Variants in FAM135B observed in about 807,000 individuals in gnomAD.
FAM135B encodes protein FAM135B.
Under a neutral mutation model 127.7 loss-of-function variants are expected in FAM135B, and 43 were observed. The ratio of observed to expected loss-of-function variants is 0.34; its 90% CI spans 0.26 to 0.43. The LOEUF (loss-of-function observed/expected upper bound fraction) is 0.43, where lower values mean the gene tolerates loss of function less well. FAM135B is among the 20% of genes least tolerant of loss of function. The pLI, the probability that FAM135B is intolerant of heterozygous loss-of-function variation, is 1.00. For synonymous variants in FAM135B, 670 were observed against 665.1 expected (o/e 1.01, Z -0.11); for missense variants, 1,558 against 1,725.6 (o/e 0.90, Z 1.72).
chr8:138,293,944 T>C (rs113889682), intron 3 of FAM135B, among the ~76,000 whole-genome samples: 3 of 152,158 alleles, frequency 2.0e-5, no homozygotes, highest in African/African-American at 7.2e-5. Flanking sequence ...TGCACCTGCA[T>C]GTGTATGTTT....
Position 138,371,337 on chromosome 8 carries a change from A to G in FAM135B, c.-19-3335T>C, listed in dbSNP as rs1374180454. ...GACCCATGACACATACCTAACACACACATCACACTCATACACACAAACACA... is the reference window on the plus strand; with the variant it reads ...GACCCATGACACATACCTAACACACGCATCACACTCATACACACAAACACA... On this transcript the variant is annotated intron_variant, in intron 1 of 19. Coordinates refer to ENST00000395297, the MANE Select transcript of FAM135B (RefSeq NM_015912.4). Among the ~76,000 whole-genome samples the G allele has an allele frequency of 2.6e-5, 4 of 152,214 alleles. 1 individual carries two copies. In the East Asian group the frequency reaches 7.7e-4, roughly 29 times the overall value.
chr8:138,280,071 T>C (rs1030634866), intron 3 of FAM135B, among the ~76,000 whole-genome samples: 1 of 152,168 alleles, frequency 6.6e-6, no homozygotes, highest in Admixed American at 6.5e-5. Flanking sequence ...CTCAGAGAGA[T>C]GGAGAATCCA....
intron 7 of FAM135B, among the ~76,000 whole-genome samples, chr8:138,228,853 G>A (rs2130174207): frequency 6.6e-6 from 1 of 152,302 alleles, no homozygotes; most frequent in Middle Eastern, 3.4e-3. Context: ...CCATCCGGCT[G>A]CAGCATCTGT....
intron 7 of FAM135B, among the ~76,000 whole-genome samples, chr8:138,236,432 C>A (rs1484381988): frequency 1.3e-5 from 2 of 149,990 alleles, no homozygotes; most frequent in South Asian, 2.1e-4. Flanking sequence ...ACACACATCC[C>A]CACATACACA....
chr8:138,224,273 A>G (rs78669557), intron 7 of FAM135B, among the ~76,000 whole-genome samples: 9,634 of 152,244 alleles, frequency 0.063, 490 homozygotes, highest in East Asian at 0.25. Context: ...AATTGACAGC[A>G]CTCTGTAGTT....
intron 3 of FAM135B, among the ~76,000 whole-genome samples, chr8:138,268,923 A>G (rs1213113624): frequency 6.6e-6 from 1 of 152,184 alleles, no homozygotes; most frequent in African/African-American, 2.4e-5. Context: ...ACGCATAACA[A>G]GAGTTGAAAC....
In FAM135B at chr8:138,227,996, A is replaced by G. The variant is rs560951274; in HGVS notation, c.669+14946T>C. ...TAATAGAATATGCAGAAGGTTGTACATTATAGCTTCTACTGCCTTCTTCAT... is the reference window on the plus strand; with the variant it reads ...TAATAGAATATGCAGAAGGTTGTACGTTATAGCTTCTACTGCCTTCTTCAT... On this transcript the variant is annotated intron_variant, in intron 7 of 19. Coordinates refer to ENST00000395297, the MANE Select transcript of FAM135B (RefSeq NM_015912.4). 3.9e-5 allele frequency among the ~76,000 whole-genome samples: 6 copies of G among 152,298 alleles called. No individual in the cohort carries two copies. In the South Asian group the frequency reaches 1.2e-3, roughly 32 times the overall value.
chr8:138,202,145 C>CCTCTCCCCT (rs1468741397), intron 7 of FAM135B, among the ~76,000 whole-genome samples: 64 of 69,482 alleles, frequency 9.2e-4, no homozygotes, highest in Admixed American at 2.5e-3. Context: ...AAAAAAGGCA[C>CCTCTCCCCT]CTCTCCCCTT....
chr8:138,491,434 A>G (rs1346525800), intron 1 of FAM135B, among the ~76,000 whole-genome samples: 1 of 152,192 alleles, frequency 6.6e-6, no homozygotes. Context: ...TTGCTATCCA[A>G]TTGCCTAGTA....
chr8:138,174,143 T>G (rs541566311), intron 11 of FAM135B, among the ~76,000 whole-genome samples: 1 of 152,256 alleles, frequency 6.6e-6, no homozygotes, highest in Admixed American at 6.5e-5. Context: ...CCTATCCTAT[T>G]TCATTTAAGA....
At chr8:138,490,402 A>G (rs994657041) in intron 1 of FAM135B, among the ~76,000 whole-genome samples, 2 of 152,198 alleles carry the variant, frequency 1.3e-5, no homozygotes, top group African/African-American at 4.8e-5. Context: ...GAACACAGGG[A>G]CCTGCAGGGC....
intron 7 of FAM135B, among the ~76,000 whole-genome samples, chr8:138,233,507 A>G (rs572878385): frequency 1.3e-4 from 20 of 152,326 alleles, no homozygotes; most frequent in African/African-American, 3.8e-4. Flanking sequence ...ACCATATACA[A>G]CAATCAACTC....
At chr8:138,443,932 G>T (rs974600421) in intron 1 of FAM135B, among the ~76,000 whole-genome samples, 1 of 152,110 alleles carries the variant, frequency 6.6e-6, no homozygotes, top group African/African-American at 2.4e-5. Flanking sequence ...ACACACATAG[G>T]CTCAAAATAA....
chr8:138,201,782 TAGA>T (rs1299827323), intron 7 of FAM135B, among the ~76,000 whole-genome samples: 9 of 151,950 alleles, frequency 5.9e-5, no homozygotes, highest in African/African-American at 2.2e-4. Context: ...AACTGGCAAA[TAGA>T]AGGTCCCTGG....
chr8:138,185,537 G>A (rs369509882), intron 9 of FAM135B, among the ~76,000 whole-genome samples: 3 of 152,072 alleles, frequency 2.0e-5, no homozygotes, highest in African/African-American at 4.8e-5. Context: ...CCCCAAATAC[G>A]CAATCTCCGC....
At chr8:138,427,442 A>C (rs920996249) in intron 1 of FAM135B, among the ~76,000 whole-genome samples, 3 of 152,034 alleles carry the variant, frequency 2.0e-5, no homozygotes, top group Non-Finnish European at 4.4e-5. Context: ...CCTGAAACAA[A>C]AACTATCATT....
In FAM135B at chr8:138,163,783, T is replaced by C. The variant is rs150738464; in HGVS notation, c.1258+4112A>G. Among the ~76,000 whole-genome samples the C allele has an allele frequency of 7.9e-5, 12 of 152,288 alleles. No individual in the cohort carries two copies. In the East Asian group the frequency reaches 2.3e-3, roughly 29 times the overall value. ...ACTAATACACCATGAACAAATGCTA[T>C]TGTCACAGACCATGAACAAATGCTA... On this transcript the variant is annotated intron_variant, in intron 12 of 19. Coordinates refer to ENST00000395297, the MANE Select transcript of FAM135B (RefSeq NM_015912.4).
At chr8:138,355,283 G>A (rs1026412983) in intron 2 of FAM135B, among the ~76,000 whole-genome samples, 6 of 152,046 alleles carry the variant, frequency 3.9e-5, no homozygotes, top group South Asian at 4.1e-4. Context: ...TGTTTACTGC[G>A]GCACTACTCA....
At chr8:138,292,862 T>A (rs1279010800) in intron 3 of FAM135B, among the ~76,000 whole-genome samples, 1 of 151,904 alleles carries the variant, frequency 6.6e-6, no homozygotes, top group Non-Finnish European at 1.5e-5. Flanking sequence ...GCAATTCCTA[T>A]CAAAATACCG....
Sources: gnomAD v4.1 joint callset for allele counts (sites outside exome capture counted in the v4.1 genomes callset) on GRCh38, gnomAD v4.1.1 for gene constraint, MANE v1.5 for transcripts, NCBI Gene and HGNC (gene_info 2026-07-23, HGNC 2026-07-21) for gene names.